NTRK3: variants seen among roughly 807,000 people sequenced by gnomAD.
The protein encoded by NTRK3 is NT-3 growth factor receptor.
Under a neutral mutation model 91.7 loss-of-function variants are expected in NTRK3, and 24 were observed. The ratio of observed to expected loss-of-function variants is 0.26; its 90% CI spans 0.19 to 0.37. The LOEUF (loss-of-function observed/expected upper bound fraction) is 0.37, where lower values mean the gene tolerates loss of function less well. Ranked by LOEUF, NTRK3 falls within the 10% of genes least tolerant of loss-of-function variation. The pLI is 1.00. For missense variants in NTRK3, 880 were observed against 1,068.9 expected, an observed-to-expected ratio of 0.82 and a Z score of 2.46; for synonymous variants, 483 against 404.0, an observed-to-expected ratio of 1.20 and a Z score of -2.34.
chr15:88,027,206 T>C (rs1247525144), intron 14 of NTRK3, among the ~76,000 whole-genome samples: 2 of 152,020 alleles, frequency 1.3e-5, no homozygotes, highest in African/African-American at 4.8e-5. Context: ...CTGGAACAAG[T>C]AGCTTAAGCT....
intron 14 of NTRK3, among the ~76,000 whole-genome samples, chr15:87,972,733 A>G (rs577450928): frequency 9.2e-5 from 14 of 152,322 alleles, no homozygotes; most frequent in African/African-American, 3.4e-4. Flanking sequence ...TGGAAGGCTC[A>G]TGTATCTTGG....
chr15:88,122,368 G>C (rs1309014781), intron 13 of NTRK3, among the ~76,000 whole-genome samples: 3 of 152,136 alleles, frequency 2.0e-5, no homozygotes, highest in Non-Finnish European at 4.4e-5. Flanking sequence ...ACAGCCATGA[G>C]GGGAGAGACA....
intron 17 of NTRK3, among the ~76,000 whole-genome samples, chr15:87,890,089 T>G (rs1476585444): frequency 6.6e-6 from 1 of 152,050 alleles, no homozygotes; most frequent in Non-Finnish European, 1.5e-5. Flanking sequence ...CTGCCGCATT[T>G]CCTATAATCA....
chr15:88,224,384 G>T (rs975933497), intron 3 of NTRK3, among the ~76,000 whole-genome samples: 6 of 152,166 alleles, frequency 3.9e-5, no homozygotes, highest in African/African-American at 1.4e-4. Context: ...TGCCCAGCAG[G>T]TGCAGACAAG....
intron 17 of NTRK3, among the ~76,000 whole-genome samples, chr15:87,913,206 G>A (rs113824238): frequency 9.2e-5 from 14 of 152,032 alleles, no homozygotes; most frequent in African/African-American, 3.4e-4. Context: ...TTCAGAATTT[G>A]GGGATGCTAG....
intron 13 of NTRK3, chr15:88,072,505 C>G: frequency 4.3e-6 from 1 of 232,226 alleles, no homozygotes; most frequent in Middle Eastern, 1.3e-3. Flanking sequence ...TTGCCCTTTT[C>G]TTCTTTCCGT....
chr15:88,077,660 T>C (rs1426698101), intron 13 of NTRK3, among the ~76,000 whole-genome samples: 1 of 152,030 alleles, frequency 6.6e-6, no homozygotes, highest in Non-Finnish European at 1.5e-5. Context: ...ACAGTAGGGG[T>C]ACTCAACAAA....
intron 17 of NTRK3, among the ~76,000 whole-genome samples, chr15:87,911,849 T>TTA (rs2067105692): frequency 6.6e-6 from 1 of 152,210 alleles, no homozygotes; most frequent in African/African-American, 2.4e-5. Flanking sequence ...GGTACAAGGG[T>TTA]TATATAATCA....
At chr15:87,999,017 C>T (rs1373186358) in intron 14 of NTRK3, among the ~76,000 whole-genome samples, 1 of 152,064 alleles carries the variant, frequency 6.6e-6, no homozygotes, top group African/African-American at 2.4e-5. Flanking sequence ...CCCAAAGGAT[C>T]CCCATTTCCA....
At chr15:87,887,686 T>C (rs1596094600) in intron 17 of NTRK3, among the ~76,000 whole-genome samples, 1 of 152,090 alleles carries the variant, frequency 6.6e-6, no homozygotes, top group Admixed American at 6.6e-5. Context: ...GTCAAAGCCT[T>C]CCCCGGTAAA....
At chr15:88,203,900 C>A (rs902474261) in intron 3 of NTRK3, among the ~76,000 whole-genome samples, 1 of 152,078 alleles carries the variant, frequency 6.6e-6, no homozygotes, top group Non-Finnish European at 1.5e-5. Flanking sequence ...TTCAGGGATA[C>A]ATGTGCAGAA....
chr15:87,912,931 AATATATATATAT>A lies in NTRK3; in HGVS notation c.2133+16248_2133+16259del, dbSNP rs58367924. On this transcript the variant is annotated intron_variant, in intron 17 of 18. Transcript: ENST00000394480. ...TTCAACTTTTCAAAAAGTAAAAAAAAATATATATATATATATATATATATATATATATATATA... is the reference window on the plus strand; with the variant it reads ...TTCAACTTTTCAAAAAGTAAAAAAAAATATATATATATATATATATATATA... Among the ~76,000 whole-genome samples, 74 of 36,498 alleles carry A rather than the reference AATATATATATAT, an allele frequency of 2.0e-3. 1 individual carries two copies. The East Asian group carries it at 0.021, about 10-fold the overall frequency. 23.9% of individuals were successfully genotyped at this position (36,498 alleles called of 152,430 possible). A position where few individuals can be genotyped will look rare whatever the true frequency, so the allele number is the denominator to read the frequency against.
chr15:88,245,775 C>A (rs1263172503), intron 3 of NTRK3, among the ~76,000 whole-genome samples: 1 of 152,106 alleles, frequency 6.6e-6, no homozygotes, highest in Non-Finnish European at 1.5e-5. Flanking sequence ...TATGAGAAAA[C>A]TGAGGATCAA....
intron 3 of NTRK3, among the ~76,000 whole-genome samples, chr15:88,246,389 C>T (rs969725891): frequency 3.9e-5 from 6 of 152,200 alleles, no homozygotes; most frequent in Admixed American, 1.3e-4. Flanking sequence ...AATGCCAGGA[C>T]CTGCTATTTT....
intron 3 of NTRK3, among the ~76,000 whole-genome samples, chr15:88,204,424 T>C (rs1407412567): frequency 6.6e-6 from 1 of 152,186 alleles, no homozygotes; most frequent in Non-Finnish European, 1.5e-5. Flanking sequence ...GATAACACAT[T>C]ATAGAAATGT....
At chr15:88,132,673 G>T (rs2041477743) in intron 10 of NTRK3, among the ~76,000 whole-genome samples, 1 of 152,174 alleles carries the variant, frequency 6.6e-6, no homozygotes, top group African/African-American at 2.4e-5. Flanking sequence ...TTGCATCTAG[G>T]CTTAGCTGGG....
chr15:87,905,401 A>G (rs554324383), intron 17 of NTRK3, among the ~76,000 whole-genome samples: 358 of 152,310 alleles, frequency 2.4e-3, no homozygotes, highest in Non-Finnish European at 3.8e-3. Context: ...TTTGCTTGAA[A>G]CATAACCTTA....
intron 14 of NTRK3, among the ~76,000 whole-genome samples, chr15:88,001,642 T>C (rs2141628449): frequency 6.6e-6 from 1 of 152,312 alleles, no homozygotes; most frequent in African/African-American, 2.4e-5. Context: ...AAAAATCAGT[T>C]GACCGCAAAA....
intron 5 of NTRK3, among the ~76,000 whole-genome samples, chr15:88,157,563 C>A (rs1490384378): frequency 6.6e-6 from 1 of 151,794 alleles, no homozygotes; most frequent in Non-Finnish European, 1.5e-5. Context: ...CTGTTCCCTC[C>A]AGTAGGCATG....
Sources: gnomAD v4.1 joint callset for allele counts (sites outside exome capture counted in the v4.1 genomes callset) on GRCh38, gnomAD v4.1.1 for gene constraint, MANE v1.5 for transcripts, NCBI Gene and HGNC (gene_info 2026-07-23, HGNC 2026-07-21) for gene names.